RYR3: variants seen among roughly 807,000 people sequenced by gnomAD.
RYR3 encodes brain ryanodine receptor-calcium release channel.
Under a neutral mutation model 584.3 loss-of-function variants are expected in RYR3, and 207 were observed. The observed-to-expected ratio is 0.35, with a 90% CI of 0.32 to 0.40. The LOEUF (loss-of-function observed/expected upper bound fraction) is 0.40, where lower values mean the gene tolerates loss of function less well. Among genes scored for constraint, RYR3 ranks in the 10% least tolerant of loss-of-function variants. The probability of loss-of-function intolerance (pLI) is 1.00; values close to 1 mark genes in which losing one functional copy is unlikely to be tolerated. For missense variants in RYR3, 5,616 were observed against 6,089.2 expected, an observed-to-expected ratio of 0.92 and a Z score of 2.59; for synonymous variants, 2,416 against 2,248.5, an observed-to-expected ratio of 1.07 and a Z score of -2.11.
chr15:33,770,984 G>A (rs2073521002), intron 62 of RYR3, among the ~76,000 whole-genome samples: 1 of 152,160 alleles, frequency 6.6e-6, no homozygotes, highest in Non-Finnish European at 1.5e-5. Context: ...GTAGTTTTGA[G>A]GGAAGGCTTC....
rs1308213427 is a variant in RYR3, at chr15:33,580,079, C to T, written c.1372C>T (p.Arg458Ter). 1.2e-6 allele frequency: 2 copies of T among 1,613,266 alleles called. No individual in the cohort carries two copies. The highest frequency in any genetic ancestry group is 1.7e-6 in the Non-Finnish European group (2 of 1,179,560). ...CTTCCAGCCCCCAGAGGAGGAGATG[C>T]GACATGAAGACAAGCAGAACAAGCT... ...AYFQPPEEEM[R>*]HEDKQNKLRS... The change falls in exon 13 of 104, where the codon CGA becomes TGA. Residue 458 changes from arginine (R) to a stop codon, truncating the protein, a stop_gained. Coordinates refer to ENST00000634891, the MANE Select transcript of RYR3 (RefSeq NM_001036.6). LOFTEE classifies it high-confidence loss of function.
intron 9 of RYR3, 104 bp downstream of exon 9, chr15:33,548,308 T>G: frequency 1.5e-6 from 1 of 688,692 alleles, no homozygotes. Flanking sequence ...GCAAACTCCT[T>G]CAAGTCCTTT....
At chr15:33,522,645 AGTT>A (rs200901055) in intron 3 of RYR3, among the ~76,000 whole-genome samples, 3,877 of 152,342 alleles carry the variant, frequency 0.025, 63 homozygotes, top group Non-Finnish European at 0.04. Context: ...GCAATTAGCC[AGTT>A]GAGGATTTAA....
intron 1 of RYR3, among the ~76,000 whole-genome samples, chr15:33,355,013 G>A (rs190103085): frequency 2.0e-5 from 3 of 151,978 alleles, no homozygotes; most frequent in African/African-American, 7.2e-5. Context: ...GTGAAACCCC[G>A]TCTCTACTAA....
intron 45 of RYR3, among the ~76,000 whole-genome samples, chr15:33,724,705 T>TC (rs2068215272): frequency 6.6e-6 from 1 of 152,208 alleles, no homozygotes; most frequent in African/African-American, 2.4e-5. Flanking sequence ...TTTTCTTTTT[T>TC]CACCTCTACT....
Position 33,628,535 on chromosome 15 carries a change from G to T in RYR3, c.2639G>T (p.Trp880Leu), listed in dbSNP as rs891454625. Residue 880 changes from tryptophan to leucine, a missense_variant, in exon 21 of 104, where the codon TGG becomes TTG. Physicochemically the swap from Trp to Leu is moderately conservative, Grantham distance 61. Around this residue, in one of 9 missense-constraint regions of RYR3, gnomAD observed 1,284 missense variants for 1,344.6 expected, o/e 0.95. Coordinates refer to ENST00000634891, the MANE Select transcript of RYR3 (RefSeq NM_001036.6). The part of the protein sequence containing the change: ...DRLAENIHEL[W>L]GMNKIELGWT... ...CTAGCTGAAAACATCCATGAGCTTT[G>T]GGGAATGAATAAAATAGAACTTGGC... 1.2e-6 allele frequency: 2 copies of T among 1,613,646 alleles called. No individual in the cohort carries two copies. Among genetic ancestry groups the T allele is most frequent in the African/African-American group, 2.7e-5 (2 of 74,930 alleles).
intron 60 of RYR3, among the ~76,000 whole-genome samples, chr15:33,765,807 G>A (rs1385304509): frequency 6.6e-6 from 1 of 152,210 alleles, no homozygotes; most frequent in Non-Finnish European, 1.5e-5. Context: ...ATTGAGCACA[G>A]TTTTTTATAT....
At position 33,821,544 on chromosome 15, in the gene RYR3, T is replaced by C. The variant is rs994155223; in HGVS notation, c.10937T>C (p.Val3646Ala). 6.2e-7 allele frequency: 1 copy of C among 1,613,898 alleles called. No individual in the cohort carries two copies. The highest frequency in any genetic ancestry group is 8.5e-7 in the Non-Finnish European group (1 of 1,179,876). Residue 3646 changes from valine to alanine, a missense_variant, in exon 80 of 104, where the codon GTT (valine) becomes GCT (alanine). This residue lies in a region of RYR3 where 954 missense variants were observed against 1,132.2 expected (regional missense o/e 0.84). Coordinates refer to ENST00000634891, the MANE Select transcript of RYR3 (RefSeq NM_001036.6). Reference sequence around the variant, plus strand: ...GCAGGTGAGATGAGCCCCATGGTGGTTGAGACGCTGAAGCTGGGGATCGCC... The same window carrying C: ...GCAGGTGAGATGAGCCCCATGGTGGCTGAGACGCTGAAGCTGGGGATCGCC... Reference protein sequence around the residue: ...ASKGEMSPMVVETLKLGIAIL... With the variant: ...ASKGEMSPMVAETLKLGIAIL...
intron 2 of RYR3, among the ~76,000 whole-genome samples, chr15:33,477,050 T>A (rs1286541681): frequency 2.0e-5 from 3 of 152,202 alleles, no homozygotes; most frequent in Non-Finnish European, 4.4e-5. Flanking sequence ...TGTACCATTC[T>A]TAGATTCTTG....
intron 36 of RYR3, among the ~76,000 whole-genome samples, chr15:33,665,460 G>A (rs77358235): frequency 0.014 from 2,093 of 152,228 alleles, 44 homozygotes; most frequent in African/African-American, 0.048. Context: ...TTCATGACAG[G>A]CTCTGTGACC....
intron 16 of RYR3, among the ~76,000 whole-genome samples, chr15:33,599,781 A>G (rs2059572386): frequency 1.3e-5 from 2 of 152,354 alleles, no homozygotes; most frequent in Non-Finnish European, 2.9e-5. Flanking sequence ...TTTTACCTGA[A>G]GGAGTGTCTC....
At chr15:33,775,005 T>C (rs532479056) in intron 64 of RYR3, among the ~76,000 whole-genome samples, 1 of 152,248 alleles carries the variant, frequency 6.6e-6, no homozygotes, top group East Asian at 1.9e-4. Flanking sequence ...GGTACAATTT[T>C]TTGTAAAGCT....
At chr15:33,848,243 T>A in intron 93 of RYR3, 48 bp from the exon 94 acceptor site, 1 of 1,609,204 alleles carries the variant, frequency 6.2e-7, no homozygotes, top group East Asian at 2.2e-5. Context: ...GAGCAGGAGC[T>A]TTAATCACAA....
chr15:33,690,419 T>G (rs2065338289), intron 38 of RYR3, among the ~76,000 whole-genome samples: 1 of 152,256 alleles, frequency 6.6e-6, no homozygotes, highest in Non-Finnish European at 1.5e-5. Context: ...AATGATTCTT[T>G]AATCCTCACT....
chr15:33,365,547 CAAAA>C lies in RYR3; in HGVS notation c.51+54454_51+54457del, dbSNP rs1372025838. On this transcript the variant is annotated intron_variant, in intron 1 of 103. Coordinates refer to ENST00000634891, the MANE Select transcript of RYR3 (RefSeq NM_001036.6). The stretch of plus-strand genomic sequence containing the variant: ...TAGTTTGGGGACATTAGAAAAAACT[CAAAA>C]AAGCCATCAGTGATTGGCAGGACCC... Among the ~76,000 whole-genome samples the C allele has an allele frequency of 2.0e-5, 3 of 152,080 alleles. No individual in the cohort carries two copies. The East Asian group carries it at 5.8e-4, about 29-fold the overall frequency.
chr15:33,719,715 T>C (rs1054143559), intron 43 of RYR3, among the ~76,000 whole-genome samples: 4 of 152,192 alleles, frequency 2.6e-5, no homozygotes, highest in African/African-American at 9.7e-5. Context: ...ATGTAGATTC[T>C]CCTGGGGCTT....
At chr15:33,750,433 T>C in intron 57 of RYR3, 147 bp downstream of exon 57, 1 of 760,304 alleles carries the variant, frequency 1.3e-6, no homozygotes, top group Non-Finnish European at 2.0e-6. Flanking sequence ...GAAGCCCTCT[T>C]TTTTTGATAT....
In RYR3 at chr15:33,613,374, A is replaced by G. The variant is rs1338298850; in HGVS notation, c.2356A>G (p.Lys786Glu). The change falls in exon 19 of 104, where the codon AAA becomes GAA. Residue 786 changes from lysine (K) to glutamate (E), a missense_variant and splice_region_variant. This residue lies in a region of RYR3 where 1,284 missense variants were observed against 1,344.6 expected (regional missense o/e 0.95). Transcript: ENST00000634891. ...TGTGATGAGCTTTTCAGCAGGTGTC[A>G]AGTAAGTTATGGCTGTGATTTCATG... ...FPVMSFSAGV[K>E]VRFLMGGRHG... is the part of the protein sequence containing the mutation. 1.9e-6 allele frequency: 3 copies of G among 1,594,852 alleles called. No individual in the cohort carries two copies. The highest frequency in any genetic ancestry group is 2.6e-6 in the Non-Finnish European group (3 of 1,169,316).
chr15:33,699,249 TC>T (rs2066091110), intron 40 of RYR3, among the ~76,000 whole-genome samples: 2 of 118,934 alleles, frequency 1.7e-5, no homozygotes, highest in East Asian at 5.6e-4. Context: ...TCTCTCTCTC[TC>T]TCTCCCCCCC....
Sources: allele counts gnomAD v4.1 joint callset (sites outside exome capture counted in the v4.1 genomes callset), GRCh38; gene constraint gnomAD v4.1.1; regional missense constraint gnomAD v4.1.1; transcripts MANE v1.5; gene names NCBI Gene and HGNC (gene_info 2026-07-23, HGNC 2026-07-21).